EFCAB7: variants seen among roughly 807,000 people sequenced by gnomAD.
EFCAB7 encodes EF-hand calcium-binding domain-containing protein 7.
Under a neutral mutation model 77.1 loss-of-function variants are expected in EFCAB7, and 66 were observed. The observed-to-expected ratio is 0.86, with a 90% CI of 0.70 to 1.05. EFCAB7 has a LOEUF of 1.05. EFCAB7 is among the 50% of genes least tolerant of loss of function. The pLI is 0.00. For missense variants in EFCAB7, 638 were observed against 730.5 expected (o/e 0.87, Z 1.46); for synonymous variants, 225 against 243.3 (o/e 0.92, Z 0.70).
At chr1:63,560,548 A>C (rs217477) in intron 10 of EFCAB7, among the ~76,000 whole-genome samples, 2 of 135,852 alleles carry the variant, frequency 1.5e-5, no homozygotes, top group Non-Finnish European at 1.5e-5. Context: ...ACTGAGTCTC[A>C]CTCTGTCACC....
chr1:63,560,709 A>G (rs1647088984), intron 10 of EFCAB7, among the ~76,000 whole-genome samples: 1 of 151,960 alleles, frequency 6.6e-6, no homozygotes, highest in Admixed American at 6.6e-5. Context: ...TTTAGTAGAG[A>G]TGGGGTTTCA....
intron 13 of EFCAB7, among the ~76,000 whole-genome samples, chr1:63,572,035 GA>G (rs1647277232): frequency 6.6e-6 from 1 of 152,064 alleles, no homozygotes; most frequent in African/African-American, 2.4e-5. Flanking sequence ...AGGGAGAAAG[GA>G]AAAAGCTTCC....
intron 11 of EFCAB7, among the ~76,000 whole-genome samples, chr1:63,563,686 C>T (rs941775298): frequency 6.6e-6 from 1 of 152,330 alleles, no homozygotes; most frequent in African/African-American, 2.4e-5. Context: ...AGCTGTTCCT[C>T]ATCAGTTGAA....
intron 6 of EFCAB7, among the ~76,000 whole-genome samples, chr1:63,545,541 A>G (rs1429355532): frequency 6.6e-6 from 1 of 152,132 alleles, no homozygotes. Context: ...ATCTCGGCTC[A>G]CTGCATCCTC....
At chr1:63,568,208 G>A (rs1647191103) in intron 11 of EFCAB7, 102 bp from the exon 12 acceptor site, 1 of 980,488 alleles carries the variant, frequency 1.0e-6, no homozygotes, top group Non-Finnish European at 1.4e-6. Flanking sequence ...TTATTAGAAG[G>A]ACAAGCTAGA....
At chr1:63,551,875 G>T (rs772582746) in intron 8 of EFCAB7, 41 bp downstream of exon 8, 2 of 1,275,556 alleles carry the variant, frequency 1.6e-6, no homozygotes, top group Non-Finnish European at 2.1e-6. Context: ...TTTAAATATA[G>T]TATGAACTGC....
intron 2 of EFCAB7, among the ~76,000 whole-genome samples, chr1:63,526,463 T>C (rs1191556111): frequency 6.6e-6 from 1 of 152,198 alleles, no homozygotes; most frequent in East Asian, 1.9e-4. Context: ...AATTTTATAA[T>C]GAATTTTCTT....
At chr1:63,580,746 C>T in the EFCAB7 span, among the ~76,000 whole-genome samples, 1 of 152,066 alleles carries the variant, frequency 6.6e-6, no homozygotes, top group African/African-American at 2.4e-5. Context: ...GGTTTTATTT[C>T]TTTGATCAGC....
intron 6 of EFCAB7, among the ~76,000 whole-genome samples, chr1:63,543,208 A>G (rs1182386171): frequency 2.6e-5 from 4 of 152,184 alleles, no homozygotes; most frequent in African/African-American, 9.7e-5. Flanking sequence ...CTTGCCCTCA[A>G]TGAATGATCT....
Position 63,572,526 on chromosome 1 carries a change from C to A in EFCAB7, c.*10C>A. The A allele has an allele frequency of 7.0e-7, 1 of 1,433,368 alleles. No individual in the cohort carries two copies. The highest frequency in any genetic ancestry group is 9.4e-7 in the Non-Finnish European group (1 of 1,068,100). 88.8% of individuals were successfully genotyped at this position (1,433,368 alleles called of 1,614,324 possible). A position where few individuals can be genotyped will look rare whatever the true frequency, so the allele number is the denominator to read the frequency against. ...TTCTCTTATTTCTTAAATAATTATA[C>A]TTAGAACTTACCAAACTAAGAATTA... On this transcript the variant is annotated 3_prime_UTR_variant, in exon 14 of 14. Coordinates refer to ENST00000371088, the MANE Select transcript of EFCAB7 (RefSeq NM_032437.4).
chr1:63,545,824 C>T lies in EFCAB7; in HGVS notation c.805-92C>T, dbSNP rs1292776275. The T allele has an allele frequency of 5.6e-6, 6 of 1,062,824 alleles. No individual in the cohort carries two copies. In the South Asian group the frequency reaches 7.0e-5, roughly 12 times the overall value. 65.8% of individuals were successfully genotyped at this position (1,062,824 alleles called of 1,614,324 possible). ...AGAGCAATGATTATATTTGACATTT[C>T]TTTTATATCCCCCTGTGTTTTCTCC... On this transcript the variant is annotated intron_variant, in intron 6 of 13. Transcript: ENST00000371088.
At chr1:63,541,445 A>G (rs1480345534) in intron 6 of EFCAB7, among the ~76,000 whole-genome samples, 2 of 152,348 alleles carry the variant, frequency 1.3e-5, no homozygotes, top group East Asian at 1.9e-4. Flanking sequence ...GAAATTATTC[A>G]TCAGAAGAAA....
intron 2 of EFCAB7, among the ~76,000 whole-genome samples, chr1:63,526,985 G>A (rs540398533): frequency 4.6e-5 from 7 of 152,116 alleles, no homozygotes; most frequent in Non-Finnish European, 8.8e-5. Flanking sequence ...GGCTGGTCTC[G>A]AGCTCCTGAC....
At chr1:63,580,974 C>A in the EFCAB7 span, among the ~76,000 whole-genome samples, 14,431 of 151,788 alleles carry the variant, frequency 0.095, 905 homozygotes, top group East Asian at 0.13. Context: ...TTTTATATAT[C>A]CCTTGGGATT....
In EFCAB7 at chr1:63,531,901, A is replaced by G. The variant is rs199684231; in HGVS notation, c.269A>G (p.Asp90Gly). 134 of 1,613,316 alleles carry G rather than the reference A, an allele frequency of 8.3e-5. No individual in the cohort carries two copies. The East Asian group carries it at 2.9e-3, about 35-fold the overall frequency. Residue 90 changes from aspartate to glycine, a missense_variant, in exon 3 of 14, where the codon GAT (aspartate) becomes GGT (glycine). By Grantham distance (94) the Asp-to-Gly change is moderately conservative. Coordinates refer to ENST00000371088, the MANE Select transcript of EFCAB7 (RefSeq NM_032437.4). ...WTPQTAKLNF[D>G]DFCIILRKEK... Reference sequence around the variant, plus strand: ...CCTCAAACTGCCAAACTGAATTTTGATGATTTTTGTATAATTTTAAGGAAG... The same window carrying G: ...CCTCAAACTGCCAAACTGAATTTTGGTGATTTTTGTATAATTTTAAGGAAG...
chr1:63,573,394 GAGA>G (rs1647323780), downstream of EFCAB7, among the ~76,000 whole-genome samples: 3 of 152,244 alleles, frequency 2.0e-5, no homozygotes, highest in South Asian at 4.1e-4. Context: ...AACGGAATAA[GAGA>G]AGGAGAAAAA....
intron 6 of EFCAB7, among the ~76,000 whole-genome samples, chr1:63,543,392 G>A (rs217449): frequency 0.34 from 51,205 of 151,924 alleles, 8,844 homozygotes; most frequent in East Asian, 0.48. Flanking sequence ...AGCTTTATTC[G>A]TTTTCAACAG....
Position 63,532,032 on chromosome 1 carries a change from G to T in EFCAB7, c.399+1G>T. On this transcript the variant is annotated splice_donor_variant, in intron 3 of 13. Coordinates refer to ENST00000371088, the MANE Select transcript of EFCAB7 (RefSeq NM_032437.4). LOFTEE classifies it high-confidence loss of function. ...TGACCTTTATAAATTTCTAACAAAGGTAAGATCTGTAAAACTGTTTTGTAA... is the reference window on the plus strand; with the variant it reads ...TGACCTTTATAAATTTCTAACAAAGTTAAGATCTGTAAAACTGTTTTGTAA... The T allele has an allele frequency of 6.2e-7, 1 of 1,602,394 alleles. No individual in the cohort carries two copies. The highest frequency in any genetic ancestry group is 8.5e-7 in the Non-Finnish European group (1 of 1,172,306).
intron 13 of EFCAB7, among the ~76,000 whole-genome samples, chr1:63,571,971 G>T (rs1412889897): frequency 6.6e-6 from 1 of 152,098 alleles, no homozygotes; most frequent in African/African-American, 2.4e-5. Context: ...TTCTGATTTA[G>T]CCAGGGGTTC....
Sources: allele counts gnomAD v4.1 joint callset (sites outside exome capture counted in the v4.1 genomes callset), GRCh38; gene constraint gnomAD v4.1.1; transcripts MANE v1.5; gene names NCBI Gene and HGNC (gene_info 2026-07-23, HGNC 2026-07-21).